Variants in MYSM1 observed in about 807,000 individuals in gnomAD.
The protein encoded by MYSM1 is deubiquitinase MYSM1.
Under a neutral mutation model 116.0 loss-of-function variants are expected in MYSM1, and 51 were observed. The ratio of observed to expected loss-of-function variants is 0.44; its 90% CI spans 0.35 to 0.56. The LOEUF (loss-of-function observed/expected upper bound fraction) is 0.56. Among genes scored for constraint, MYSM1 ranks in the 20% least tolerant of loss-of-function variants. The probability of loss-of-function intolerance (pLI) is 0.00; values close to 1 mark genes in which losing one functional copy is unlikely to be tolerated. For synonymous variants in MYSM1, 313 were observed against 315.2 expected (o/e 0.99, Z 0.07); for missense variants, 900 against 974.9 (o/e 0.92, Z 1.02).
At chr1:58,678,756 T>C (rs892393239) in intron 8 of MYSM1, among the ~76,000 whole-genome samples, 4 of 152,182 alleles carry the variant, frequency 2.6e-5, no homozygotes, top group African/African-American at 9.6e-5. Flanking sequence ...AAGCCTCTAA[T>C]TTCCCTCGAC....
chr1:58,684,539 T>C (rs1310298201), intron 7 of MYSM1, among the ~76,000 whole-genome samples: 7 of 130,750 alleles, frequency 5.4e-5, no homozygotes, highest in Non-Finnish European at 9.3e-5. Flanking sequence ...CACTCCAGCC[T>C]GGGCGACAGA....
At chr1:58,699,552 T>A in intron 1 of MYSM1, 5 of 847,550 alleles carry the variant, frequency 5.9e-6, no homozygotes, top group Non-Finnish European at 7.1e-6. Flanking sequence ...ACTATCCCCA[T>A]GTGGAAGAAG....
Position 58,667,043 on chromosome 1 carries a change from A to G in MYSM1, c.2026T>C (p.Tyr676His). 6.2e-7 allele frequency: 1 copy of G among 1,604,250 alleles called. No homozygotes were observed. The highest frequency in any genetic ancestry group is 8.5e-7 in the Non-Finnish European group (1 of 1,172,740). The change falls in exon 16 of 20, where the codon TAC (tyrosine) becomes CAC (histidine). Residue 676 changes from tyrosine (Y) to histidine (H), a missense_variant. By Grantham distance (83) the Tyr-to-His change is moderately conservative. Transcript: ENST00000472487. ...TATAAATATACATGTAATACCTGGT[A>G]TTTAGCTTGTGTGTCAATATCTCGT... ...SLRDIDTQAKYQSYFSRGGAK... is the reference protein window; with the variant it reads ...SLRDIDTQAKHQSYFSRGGAK...
At chr1:58,678,212 T>G (rs1185071336) in intron 8 of MYSM1, among the ~76,000 whole-genome samples, 2 of 152,050 alleles carry the variant, frequency 1.3e-5, no homozygotes, top group African/African-American at 4.8e-5. Flanking sequence ...CTAAGCAGAA[T>G]AGAGGGTAAA....
chr1:58,660,873 G>A (rs1644379806), intron 19 of MYSM1, among the ~76,000 whole-genome samples: 1 of 151,984 alleles, frequency 6.6e-6, no homozygotes, highest in East Asian at 1.9e-4. Flanking sequence ...TGGAAACATG[G>A]CACTTTCAAA....
At chr1:58,673,361 C>G (rs1433727614) in intron 11 of MYSM1, among the ~76,000 whole-genome samples, 1 of 152,158 alleles carries the variant, frequency 6.6e-6, no homozygotes, top group Non-Finnish European at 1.5e-5. Context: ...GACAGAGAAT[C>G]CAAGTTCTGA....
chr1:58,679,143 G>T (rs1017817656), intron 8 of MYSM1, among the ~76,000 whole-genome samples: 4 of 152,030 alleles, frequency 2.6e-5, no homozygotes, highest in African/African-American at 4.8e-5. Context: ...AATCTGGCAG[G>T]CTTCTTTTTA....
chr1:58,683,363 G>A (rs187970748), intron 7 of MYSM1, among the ~76,000 whole-genome samples: 10 of 152,198 alleles, frequency 6.6e-5, no homozygotes, highest in Non-Finnish European at 1.5e-5. Flanking sequence ...TCTTCACTGA[G>A]TACATTAAAA....
rs1644635136 is a variant in MYSM1, at chr1:58,675,425, A to C, written c.1494+52T>G. On this transcript the variant is annotated intron_variant, in intron 10 of 19. Coordinates refer to ENST00000472487, the MANE Select transcript of MYSM1 (RefSeq NM_001085487.3). Reference sequence around the variant, plus strand: ...TCAAGGTAAGTACGTAAACCACACTAAACAGAGTAAGCAGCAATGTGGAGA... The same window carrying C: ...TCAAGGTAAGTACGTAAACCACACTCAACAGAGTAAGCAGCAATGTGGAGA... 11 of 1,353,002 alleles carry C rather than the reference A, an allele frequency of 8.1e-6. No homozygotes were observed. The South Asian group carries it at 1.1e-4, about 13-fold the overall frequency. The allele number at this position is 1,353,002 out of a possible 1,614,324, so 83.8% of individuals were successfully genotyped here. A position where few individuals can be genotyped will look rare whatever the true frequency, so the allele number is the denominator to read the frequency against.
chr1:58,686,738 G>C (rs1644832920), intron 6 of MYSM1, among the ~76,000 whole-genome samples: 2 of 152,268 alleles, frequency 1.3e-5, no homozygotes, highest in South Asian at 4.1e-4. Flanking sequence ...TTGGTAGGTA[G>C]CATGGAGCAT....
At position 58,667,828 on chromosome 1, in the gene MYSM1, T is replaced by C; in HGVS notation, c.1842+19A>G. ...TAGGACTAAATAACTAAAACATTTT[T>C]TTAAAAGAGAGAACTTACTTCAACT... On this transcript the variant is annotated intron_variant, in intron 15 of 19. Transcript: ENST00000472487. The C allele has an allele frequency of 6.7e-7, 1 of 1,503,352 alleles. No homozygotes were observed. The highest frequency in any genetic ancestry group is 9.3e-7 in the Non-Finnish European group (1 of 1,079,408). The allele number at this position is 1,503,352 out of a possible 1,614,324, so 93.1% of individuals were successfully genotyped here. A position where few individuals can be genotyped will look rare whatever the true frequency, so the allele number is the denominator to read the frequency against.
chr1:58,673,422 G>A (rs1389965952), intron 11 of MYSM1, 151 bp downstream of exon 11: 3 of 619,408 alleles, frequency 4.8e-6, no homozygotes, highest in African/African-American at 3.7e-5. Flanking sequence ...CTACTTTGGT[G>A]TTTACTGGTG....
intron 2 of MYSM1, among the ~76,000 whole-genome samples, chr1:58,693,390 G>T (rs12741968): frequency 0.57 from 86,366 of 151,844 alleles, 24,837 homozygotes; most frequent in East Asian, 0.64. Context: ...CAAGCTCTAG[G>T]CCATAATACC....
At chr1:58,672,720 T>C (rs1644581770) in intron 11 of MYSM1, among the ~76,000 whole-genome samples, 1 of 152,174 alleles carries the variant, frequency 6.6e-6, no homozygotes, top group African/African-American at 2.4e-5. Context: ...GAGATTCTTC[T>C]GCAGATCCTT....
chr1:58,684,932 A>G (rs1569779871), intron 7 of MYSM1, among the ~76,000 whole-genome samples: 1 of 152,206 alleles, frequency 6.6e-6, no homozygotes, highest in South Asian at 2.1e-4. Flanking sequence ...TATTTTGTCC[A>G]TTTAACTTTA....
chr1:58,669,117 T>C, intron 12 of MYSM1, 79 bp from the exon 13 acceptor site: 1 of 1,101,448 alleles, frequency 9.1e-7, no homozygotes, highest in South Asian at 1.5e-5. Context: ...TGAAAGTGTA[T>C]ATCAATAATC....
intron 8 of MYSM1, among the ~76,000 whole-genome samples, chr1:58,679,058 T>A (rs1051801067): frequency 2.0e-5 from 3 of 152,242 alleles, no homozygotes; most frequent in Non-Finnish European, 2.9e-5. Context: ...CTGGTTACTA[T>A]TTTAATAAAA....
intron 3 of MYSM1, among the ~76,000 whole-genome samples, chr1:58,690,685 T>TG (rs1644892774): frequency 6.6e-6 from 1 of 151,788 alleles, no homozygotes; most frequent in Admixed American, 6.6e-5. Context: ...TTGTGATTTT[T>TG]TTTTTTTTTT....
chr1:58,669,777 A>G (rs578147281), intron 12 of MYSM1, among the ~76,000 whole-genome samples: 22 of 138,358 alleles, frequency 1.6e-4, no homozygotes, highest in Admixed American at 1.4e-3. Flanking sequence ...GCAGTGAGCC[A>G]TGATTTCACC....
Sources: gnomAD v4.1 joint callset for allele counts (sites outside exome capture counted in the v4.1 genomes callset) on GRCh38, gnomAD v4.1.1 for gene constraint, MANE v1.5 for transcripts, NCBI Gene and HGNC (gene_info 2026-07-23, HGNC 2026-07-21) for gene names.